NEGR1: variants seen among roughly 807,000 people sequenced by gnomAD.
The protein encoded by NEGR1 is neuronal growth regulator 1.
NEGR1 carries 10 observed loss-of-function variants against 40.9 expected under a neutral mutation model. That is an observed-to-expected ratio of 0.24 (90% CI 0.15 to 0.42). NEGR1 has a LOEUF of 0.42. NEGR1 is among the 10% of genes least tolerant of loss of function. The pLI, the probability that NEGR1 is intolerant of heterozygous loss-of-function variation, is 1.00. For missense variants in NEGR1, 352 were observed against 438.9 expected (o/e 0.80, Z 1.77); for synonymous variants, 185 against 166.8 (o/e 1.11, Z -0.84).
intron 1 of NEGR1, among the ~76,000 whole-genome samples, chr1:72,275,733 G>T (rs1656029920): frequency 6.6e-6 from 1 of 152,028 alleles, no homozygotes; most frequent in Admixed American, 6.6e-5. Flanking sequence ...TTATATATGA[G>T]CCAGACACAA....
intron 6 of NEGR1, among the ~76,000 whole-genome samples, chr1:71,409,265 A>G (rs1646300728): frequency 6.6e-6 from 1 of 151,800 alleles, no homozygotes. Context: ...TCTTTATTTA[A>G]TATATGACCT....
intron 1 of NEGR1, among the ~76,000 whole-genome samples, chr1:72,197,943 T>C (rs1298460133): frequency 6.6e-6 from 1 of 151,974 alleles, no homozygotes; most frequent in Admixed American, 6.6e-5. Flanking sequence ...GCATTTTTTG[T>C]TGTATGTGTC....
At chr1:71,722,836 AT>A (rs1325613738) in intron 3 of NEGR1, among the ~76,000 whole-genome samples, 2 of 152,118 alleles carry the variant, frequency 1.3e-5, no homozygotes, top group African/African-American at 4.8e-5. Context: ...TTATCACCAC[AT>A]TCAAGATCAG....
intron 1 of NEGR1, among the ~76,000 whole-genome samples, chr1:71,995,960 G>A (rs541766818): frequency 2.9e-3 from 438 of 152,058 alleles, no homozygotes; most frequent in Non-Finnish European, 4.9e-3. Flanking sequence ...TTTAGAGAAC[G>A]AATATTCTTC....
intron 2 of NEGR1, among the ~76,000 whole-genome samples, chr1:71,885,881 T>C (rs188962151): frequency 1.4e-3 from 217 of 152,266 alleles, no homozygotes; most frequent in Non-Finnish European, 2.2e-3. Flanking sequence ...GTATGGAAAT[T>C]TATGAAATGT....
At chr1:71,620,938 A>C (rs751809780) in intron 4 of NEGR1, among the ~76,000 whole-genome samples, 4 of 151,960 alleles carry the variant, frequency 2.6e-5, no homozygotes, top group Non-Finnish European at 5.9e-5. Flanking sequence ...TACTTACTTC[A>C]TAGGATTGGT....
chr1:71,942,949 C>T (rs915062501), intron 1 of NEGR1, among the ~76,000 whole-genome samples: 1 of 137,224 alleles, frequency 7.3e-6, no homozygotes, highest in African/African-American at 2.7e-5. Context: ...CCATGCCTGG[C>T]CCTAAGTTTG....
intron 1 of NEGR1, among the ~76,000 whole-genome samples, chr1:71,955,147 C>T (rs1646109228): frequency 6.6e-6 from 1 of 152,094 alleles, no homozygotes; most frequent in Admixed American, 6.6e-5. Context: ...TTCAAATTAT[C>T]CATATGCCAC....
chr1:71,442,226 C>CTTTTTTT (rs35594326), intron 6 of NEGR1, among the ~76,000 whole-genome samples: 1 of 84,964 alleles, frequency 1.2e-5, no homozygotes, highest in African/African-American at 4.5e-5. Context: ...GGTAGCATTC[C>CTTTTTTT]TTTTTTTTTT....
intron 3 of NEGR1, among the ~76,000 whole-genome samples, chr1:71,749,709 C>T (rs559576444): frequency 2.6e-5 from 4 of 152,286 alleles, no homozygotes; most frequent in African/African-American, 9.6e-5. Flanking sequence ...GTTCCAATGT[C>T]ACTTTTTCAT....
chr1:71,988,923 TAAAAA>T lies in NEGR1; in HGVS notation c.177-53617_177-53613del, dbSNP rs10604833. Among the ~76,000 whole-genome samples the T allele has an allele frequency of 3.8e-3, 310 of 82,230 alleles. 5 individuals are homozygous for T. Among genetic ancestry groups the T allele is most frequent in the East Asian group, 0.021 (52 of 2,514 alleles). The allele number at this position is 82,230 out of a possible 152,430, so 53.9% of individuals were successfully genotyped here. On this transcript the variant is annotated intron_variant, in intron 1 of 6. Transcript: ENST00000357731. ...CAATGAGCTCTATCATATTGGATGT[TAAAAA>T]AAAAAAAAAAAAAAAAAAAAGGCTT...
At chr1:71,658,006 TTATC>T (rs1481461451) in intron 4 of NEGR1, among the ~76,000 whole-genome samples, 9 of 152,224 alleles carry the variant, frequency 5.9e-5, no homozygotes, top group African/African-American at 1.7e-4. Context: ...GCCAAATGAC[TTATC>T]TTTTTAATAA....
At chr1:71,445,400 A>T (rs965125444) in intron 6 of NEGR1, among the ~76,000 whole-genome samples, 1 of 151,520 alleles carries the variant, frequency 6.6e-6, no homozygotes, top group Non-Finnish European at 1.5e-5. Context: ...GGAATTTTCT[A>T]TGGAGCCCTA....
chr1:71,898,451 T>G (rs1661032053), intron 2 of NEGR1, among the ~76,000 whole-genome samples: 1 of 152,016 alleles, frequency 6.6e-6, no homozygotes, highest in African/African-American at 2.4e-5. Flanking sequence ...CCGTCTCTAC[T>G]AAAAATAAGA....
chr1:71,997,526 A>C (rs1056533181), intron 1 of NEGR1, among the ~76,000 whole-genome samples: 2 of 152,008 alleles, frequency 1.3e-5, no homozygotes, highest in African/African-American at 4.8e-5. Flanking sequence ...AATGCTTACA[A>C]CTTTCTACCC....
At position 71,578,067 on chromosome 1, in the gene NEGR1, G is replaced by A. The variant is rs143313130; in HGVS notation, c.940+14750C>T. Among the ~76,000 whole-genome samples the A allele has an allele frequency of 2.4e-3, 361 of 152,186 alleles. 1 individual carries two copies. Among genetic ancestry groups the A allele is most frequent in the Non-Finnish European group, 4.1e-3 (277 of 67,956 alleles). On this transcript the variant is annotated intron_variant, in intron 6 of 6. Transcript: ENST00000357731. The stretch of plus-strand genomic sequence containing the variant: ...CTTACAGGAGCCATACTGAATAAAG[G>A]CTGCGATACTTCTTTCCTAACACTT...
intron 4 of NEGR1, among the ~76,000 whole-genome samples, chr1:71,638,560 T>C (rs576397372): frequency 6.6e-6 from 1 of 152,228 alleles, no homozygotes; most frequent in African/African-American, 2.4e-5. Context: ...ATTGAGCATG[T>C]AGTCTATGCC....
chr1:71,952,138 A>G (rs540882633), intron 1 of NEGR1, among the ~76,000 whole-genome samples: 1 of 151,934 alleles, frequency 6.6e-6, no homozygotes, highest in African/African-American at 2.4e-5. Flanking sequence ...ACATCTCTCA[A>G]TTTAAATCAG....
At chr1:71,982,717 G>A (rs1485748314) in intron 1 of NEGR1, among the ~76,000 whole-genome samples, 1 of 152,062 alleles carries the variant, frequency 6.6e-6, no homozygotes, top group Non-Finnish European at 1.5e-5. Flanking sequence ...TAGAGGGATA[G>A]CAAAAACAAA....
Sources: allele counts gnomAD v4.1 joint callset (sites outside exome capture counted in the v4.1 genomes callset), GRCh38; gene constraint gnomAD v4.1.1; transcripts MANE v1.5; gene names NCBI Gene and HGNC (gene_info 2026-07-23, HGNC 2026-07-21).